PDZRN4: variants seen among roughly 807,000 people sequenced by gnomAD.
PDZRN4 encodes the protein PDZ domain-containing RING finger protein 4.
PDZRN4 carries 70 observed loss-of-function variants against 99.0 expected under a neutral mutation model. The observed-to-expected ratio is 0.71, with a 90% CI of 0.58 to 0.86. The LOEUF is 0.86. Ranked by LOEUF, PDZRN4 falls within the 40% of genes least tolerant of loss-of-function variation. The pLI, the probability that PDZRN4 is intolerant of heterozygous loss-of-function variation, is 0.00. For missense variants in PDZRN4, 1,474 were observed against 1,331.2 expected, an observed-to-expected ratio of 1.11 and a Z score of -1.67; for synonymous variants, 551 against 501.6, an observed-to-expected ratio of 1.10 and a Z score of -1.32.
intron 3 of PDZRN4, among the ~76,000 whole-genome samples, chr12:41,242,194 T>C: frequency 6.6e-6 from 1 of 152,224 alleles, no homozygotes; most frequent in East Asian, 1.9e-4. Context: ...AAATAAAATT[T>C]TTAAATACAA....
chr12:41,393,452 G>C (rs984501941), intron 3 of PDZRN4, among the ~76,000 whole-genome samples: 12 of 151,730 alleles, frequency 7.9e-5, no homozygotes, highest in Admixed American at 2.0e-4. Context: ...ATATGGCTTT[G>C]TATGACTTCT....
intron 3 of PDZRN4, among the ~76,000 whole-genome samples, chr12:41,310,697 C>A (rs949617314): frequency 6.6e-6 from 1 of 152,124 alleles, no homozygotes; most frequent in Non-Finnish European, 1.5e-5. Context: ...TACAGAAAAG[C>A]AAAGGCTACT....
At chr12:41,495,373 T>G (rs1937977822) in intron 3 of PDZRN4, among the ~76,000 whole-genome samples, 1 of 152,108 alleles carries the variant, frequency 6.6e-6, no homozygotes, top group African/African-American at 2.4e-5. Context: ...CAGCTTGTAT[T>G]TCTGCACGGT....
At chr12:41,406,383 G>C (rs1338057150) in intron 3 of PDZRN4, among the ~76,000 whole-genome samples, 1 of 152,118 alleles carries the variant, frequency 6.6e-6, no homozygotes, top group African/African-American at 2.4e-5. Context: ...AACGCCTACT[G>C]TTGTCAGGAG....
chr12:41,421,917 C>A (rs1952493688), intron 3 of PDZRN4, among the ~76,000 whole-genome samples: 1 of 152,054 alleles, frequency 6.6e-6, no homozygotes, highest in Admixed American at 6.6e-5. Context: ...AAGCTAATAT[C>A]CCGCAGTGAT....
At chr12:41,236,224 C>A (rs188341976) in intron 3 of PDZRN4, among the ~76,000 whole-genome samples, 1 of 152,160 alleles carries the variant, frequency 6.6e-6, no homozygotes, top group Non-Finnish European at 1.5e-5. Context: ...CTTATTTGTG[C>A]CTTTGTAGCA....
intron 3 of PDZRN4, among the ~76,000 whole-genome samples, chr12:41,453,487 C>T (rs1250355193): frequency 2.0e-5 from 3 of 152,164 alleles, no homozygotes; most frequent in African/African-American, 7.2e-5. Context: ...GACCTGCGGA[C>T]ATGTGATAAA....
chr12:41,245,946 G>C (rs552434031), intron 3 of PDZRN4, among the ~76,000 whole-genome samples: 4 of 152,114 alleles, frequency 2.6e-5, no homozygotes, highest in South Asian at 2.1e-4. Context: ...GGGGTAGTCT[G>C]GGGAAAGCGA....
intron 3 of PDZRN4, among the ~76,000 whole-genome samples, chr12:41,358,060 C>T (rs1472926596): frequency 3.9e-5 from 6 of 151,906 alleles, no homozygotes; most frequent in East Asian, 1.9e-4. Context: ...GGATGTGAAA[C>T]ATGGGGACAA....
chr12:41,203,385 A>T (rs569764160), intron 3 of PDZRN4, among the ~76,000 whole-genome samples: 42 of 152,062 alleles, frequency 2.8e-4, no homozygotes, highest in African/African-American at 9.9e-4. Flanking sequence ...TCAGAGAGGG[A>T]TTAGGAGGTG....
At chr12:41,315,856 C>A (rs1951635046) in intron 3 of PDZRN4, among the ~76,000 whole-genome samples, 1 of 152,080 alleles carries the variant, frequency 6.6e-6, no homozygotes, top group Non-Finnish European at 1.5e-5. Flanking sequence ...CTGGTCAGAA[C>A]CTAAATTTGC....
Position 41,573,340 on chromosome 12 carries a change from T to A in PDZRN4, c.2561T>A (p.Met854Lys), listed in dbSNP as rs772153742. The change falls in exon 10 of 10, where the codon ATG (methionine) becomes AAG (lysine). Residue 854 changes from methionine to lysine, a missense_variant. Coordinates refer to ENST00000402685, the MANE Select transcript of PDZRN4 (RefSeq NM_001164595.2). ...PAHARHYQSY[M>K]QLIQQKSAVE... ...CACGCCCGGCATTATCAAAGCTACA[T>A]GCAGTTAATTCAACAGAAATCTGCA... 1 of 1,613,280 alleles carries A rather than the reference T, an allele frequency of 6.2e-7. No homozygotes were observed.
chr12:41,256,551 G>A (rs766680000), intron 3 of PDZRN4, among the ~76,000 whole-genome samples: 1 of 152,080 alleles, frequency 6.6e-6, no homozygotes, highest in African/African-American at 2.4e-5. Flanking sequence ...TCCTCTTGAC[G>A]TAAGGCAAAG....
At position 41,573,634 on chromosome 12, in the gene PDZRN4, G is replaced by A. The variant is rs769435330; in HGVS notation, c.2855G>A (p.Arg952Lys). The change falls in exon 10 of 10, where the codon AGG becomes AAG. Residue 952 changes from arginine (R) to lysine (K), a missense_variant. Arg to Lys is a conservative substitution (Grantham distance 26). Coordinates refer to ENST00000402685, the MANE Select transcript of PDZRN4 (RefSeq NM_001164595.2). ...GAGGAGAGAAAGCAGCACCTGGTTA[G>A]GGCCAAAGAGCAGCGCCGTCGCCGT... ...SKEERKQHLV[R>K]AKEQRRRREF... 2 of 1,614,082 alleles carry A rather than the reference G, an allele frequency of 1.2e-6. No homozygotes were observed. The highest frequency in any genetic ancestry group is 1.7e-6 in the Non-Finnish European group (2 of 1,180,002).
chr12:41,320,270 G>A (rs1485400301), intron 3 of PDZRN4, among the ~76,000 whole-genome samples: 1 of 152,190 alleles, frequency 6.6e-6, no homozygotes, highest in East Asian at 1.9e-4. Context: ...ACCTGTGTGG[G>A]TGCTACCAGT....
chr12:41,426,464 A>G (rs1261761786), intron 3 of PDZRN4, among the ~76,000 whole-genome samples: 1 of 152,192 alleles, frequency 6.6e-6, no homozygotes, highest in Non-Finnish European at 1.5e-5. Context: ...CAAAGATGCT[A>G]TGCTAAATGA....
At chr12:41,335,343 C>T (rs1399884633) in intron 3 of PDZRN4, among the ~76,000 whole-genome samples, 1 of 151,600 alleles carries the variant, frequency 6.6e-6, no homozygotes, top group East Asian at 1.9e-4. Flanking sequence ...TATACATGTG[C>T]CATGTTGGTG....
chr12:41,459,189 G>A (rs1156978124), intron 3 of PDZRN4, among the ~76,000 whole-genome samples: 1 of 152,146 alleles, frequency 6.6e-6, no homozygotes, highest in Non-Finnish European at 1.5e-5. Context: ...AAGGTGATTT[G>A]TCTGTATTTA....
At chr12:41,195,326 G>C (rs529777880) in intron 3 of PDZRN4, among the ~76,000 whole-genome samples, 5 of 152,082 alleles carry the variant, frequency 3.3e-5, no homozygotes, top group Non-Finnish European at 5.9e-5. Flanking sequence ...TAAAAATTCT[G>C]TTCACTCTAG....
Sources: gnomAD v4.1 joint callset for allele counts (sites outside exome capture counted in the v4.1 genomes callset) on GRCh38, gnomAD v4.1.1 for gene constraint, MANE v1.5 for transcripts, NCBI Gene and HGNC (gene_info 2026-07-23, HGNC 2026-07-21) for gene names.